Variants in SLC71A2 observed in about 807,000 individuals in gnomAD.
SLC71A2 encodes solute carrier family 71 member 2.
the SLC71A2 span, chr9:94,440,905 T>C: frequency 1.2e-6 from 1 of 802,428 alleles, no homozygotes; most frequent in Admixed American, 2.2e-5. Flanking sequence ...GCGTAATCTT[T>C]ACATGATGTC....
the SLC71A2 span, among the ~76,000 whole-genome samples, chr9:94,446,195 A>G: frequency 1.3e-5 from 2 of 152,242 alleles, no homozygotes; most frequent in South Asian, 2.1e-4. Flanking sequence ...CATAAAAGCT[A>G]TGGTCTGATG....
chr9:94,413,006 T>A, the SLC71A2 span, among the ~76,000 whole-genome samples: 6 of 152,212 alleles, frequency 3.9e-5, no homozygotes, highest in African/African-American at 7.2e-5. Flanking sequence ...GACATATTTT[T>A]AAAAAATAAA....
At chr9:94,416,554 C>G in the SLC71A2 span, among the ~76,000 whole-genome samples, 2 of 152,136 alleles carry the variant, frequency 1.3e-5, no homozygotes, top group African/African-American at 4.8e-5. Context: ...TCTTCTGGCA[C>G]AGTTAAAATA....
the SLC71A2 span, among the ~76,000 whole-genome samples, chr9:94,446,562 A>T: frequency 6.6e-6 from 1 of 152,126 alleles, no homozygotes; most frequent in Non-Finnish European, 1.5e-5. Context: ...GATTTTAATC[A>T]GTGTGTTAAC....
chr9:94,454,635 A>G, the SLC71A2 span, among the ~76,000 whole-genome samples: 8 of 152,112 alleles, frequency 5.3e-5, no homozygotes, highest in Non-Finnish European at 8.8e-5. Context: ...AAGTGCTGGG[A>G]TTACAGGCGT....
the SLC71A2 span, among the ~76,000 whole-genome samples, chr9:94,423,242 T>C: frequency 1.3e-5 from 2 of 150,266 alleles, no homozygotes; most frequent in Non-Finnish European, 3.0e-5. Flanking sequence ...CAGCCTGGGA[T>C]TGCCTTTCTG....
At chr9:94,446,428 C>T in the SLC71A2 span, among the ~76,000 whole-genome samples, 913 of 152,248 alleles carry the variant, frequency 6.0e-3, 7 homozygotes, top group African/African-American at 0.02. Flanking sequence ...TATACGGAAA[C>T]GCTCTGTACT....
the SLC71A2 span, among the ~76,000 whole-genome samples, chr9:94,424,727 C>CT: frequency 0.14 from 12,750 of 91,562 alleles, 1,154 homozygotes; most frequent in African/African-American, 0.19. Context: ...TTGTTTTCTG[C>CT]TTTTTTTTTT....
the SLC71A2 span, among the ~76,000 whole-genome samples, chr9:94,409,447 T>G: frequency 4.1e-4 from 62 of 151,814 alleles, no homozygotes; most frequent in Non-Finnish European, 8.2e-4. Flanking sequence ...GCACCCGGCC[T>G]GATTTTGTCG....
the SLC71A2 span, chr9:94,456,391 T>TAGA: frequency 7.0e-7 from 1 of 1,430,050 alleles, no homozygotes; most frequent in East Asian, 2.3e-5. Context: ...ACCTCCCTGC[T>TAGA]AGAAGCAGGA....
At chr9:94,408,826 TGTTTG>T in the SLC71A2 span, among the ~76,000 whole-genome samples, 3 of 124,804 alleles carry the variant, frequency 2.4e-5, no homozygotes, top group Admixed American at 8.2e-5. Context: ...CTGTTTTTTT[TGTTTG>T]TTTGTTTTTT....
At chr9:94,385,378 C>T in the SLC71A2 span, among the ~76,000 whole-genome samples, 2 of 152,106 alleles carry the variant, frequency 1.3e-5, no homozygotes, top group Admixed American at 1.3e-4. Flanking sequence ...AATGATAGGT[C>T]TTTGGTTCAT....
At chr9:94,445,193 ATATGGAAATAT>A in the SLC71A2 span, 1 of 1,574,864 alleles carries the variant, frequency 6.3e-7, no homozygotes, top group Non-Finnish European at 8.7e-7. Context: ...GTAAATAAAA[ATATGGAAATAT>A]TTACTTTCCT....
chr9:94,392,686 A>G, the SLC71A2 span, among the ~76,000 whole-genome samples: 1 of 152,100 alleles, frequency 6.6e-6, no homozygotes, highest in African/African-American at 2.4e-5. Flanking sequence ...TTTTTAGTAG[A>G]GACGGGGTTT....
chr9:94,453,161 T>TG, the SLC71A2 span, among the ~76,000 whole-genome samples: 54 of 151,058 alleles, frequency 3.6e-4, no homozygotes, highest in Admixed American at 9.2e-4. Flanking sequence ...TTTTTTTTTT[T>TG]TTTTTTGACA....
the SLC71A2 span, among the ~76,000 whole-genome samples, chr9:94,384,511 TG>T: frequency 6.6e-6 from 1 of 152,072 alleles, no homozygotes; most frequent in Non-Finnish European, 1.5e-5. Context: ...AGCTAATTTT[TG>T]TATTTTTTGT....
chr9:94,383,565 G>T, the SLC71A2 span, among the ~76,000 whole-genome samples: 1 of 152,042 alleles, frequency 6.6e-6, no homozygotes, highest in Non-Finnish European at 1.5e-5. Context: ...GTACCCTGCA[G>T]TCTTGATTAC....
chr9:94,459,371 T>C, the SLC71A2 span: 2 of 1,614,026 alleles, frequency 1.2e-6, no homozygotes, highest in Admixed American at 1.7e-5. Context: ...CTGGGAGCTC[T>C]CTTCATTTGA....
At chr9:94,440,838 A>AT in the SLC71A2 span, 1 of 426,972 alleles carries the variant, frequency 2.3e-6, no homozygotes. Context: ...TCTTAACTTA[A>AT]ATTTTTTTTG....
Sources: gnomAD v4.1 joint callset for allele counts (sites outside exome capture counted in the v4.1 genomes callset) on GRCh38, gnomAD v4.1.1 for gene constraint, MANE v1.5 for transcripts, NCBI Gene and HGNC (gene_info 2026-07-23, HGNC 2026-07-21) for gene names.